HAO1: variants seen among roughly 807,000 people sequenced by gnomAD.
The protein encoded by HAO1 is 2-Hydroxyacid oxidase 1.
HAO1 carries 34 observed loss-of-function variants against 39.7 expected under a neutral mutation model. The observed-to-expected ratio is 0.86, with a 90% CI of 0.65 to 1.14. The LOEUF is 1.14. Among genes scored for constraint, HAO1 ranks in the 50% most tolerant of loss-of-function variants. The pLI, the probability that HAO1 is intolerant of heterozygous loss-of-function variation, is 0.00. For synonymous variants in HAO1, 172 were observed against 173.2 expected, an observed-to-expected ratio of 0.99 and a Z score of 0.05; for missense variants, 479 against 464.5, an observed-to-expected ratio of 1.03 and a Z score of -0.29.
chr20:7,887,938 C>A (rs2050157565), intron 5 of HAO1, among the ~76,000 whole-genome samples: 1 of 152,070 alleles, frequency 6.6e-6, no homozygotes, highest in African/African-American at 2.4e-5. Context: ...GTATATTACA[C>A]AAAATAATTC....
At chr20:7,898,338 C>T (rs1179634623) in intron 4 of HAO1, among the ~76,000 whole-genome samples, 1 of 152,148 alleles carries the variant, frequency 6.6e-6, no homozygotes, top group Non-Finnish European at 1.5e-5. Flanking sequence ...GTACAGTTTT[C>T]TGTATGTTTT....
chr20:7,907,108 T>A (rs187170601), intron 3 of HAO1, among the ~76,000 whole-genome samples: 1 of 152,150 alleles, frequency 6.6e-6, no homozygotes, highest in African/African-American at 2.4e-5. Flanking sequence ...ATGGGAGAAG[T>A]GGGAACTGTT....
At chr20:7,905,225 C>G (rs2050241868) in intron 4 of HAO1, among the ~76,000 whole-genome samples, 1 of 149,202 alleles carries the variant, frequency 6.7e-6, no homozygotes, top group African/African-American at 2.6e-5. Flanking sequence ...CATATCTCCA[C>G]TACTTAAATG....
chr20:7,898,255 T>A (rs2050206210), intron 4 of HAO1, among the ~76,000 whole-genome samples: 1 of 152,146 alleles, frequency 6.6e-6, no homozygotes, highest in Non-Finnish European at 1.5e-5. Context: ...ACTATATACC[T>A]ACAGCCTCTC....
At chr20:7,937,675 A>G (rs2050419267) in intron 1 of HAO1, among the ~76,000 whole-genome samples, 1 of 152,166 alleles carries the variant, frequency 6.6e-6, no homozygotes, top group Admixed American at 6.5e-5. Context: ...AGCTACAACA[A>G]CGTGAAGACC....
intron 5 of HAO1, among the ~76,000 whole-genome samples, chr20:7,890,074 G>A (rs1233633846): frequency 1.3e-5 from 2 of 152,116 alleles, no homozygotes; most frequent in African/African-American, 4.8e-5. Flanking sequence ...TTTGTACTTT[G>A]CGGTACACCA....
At chr20:7,910,691 C>T (rs2050275183) in intron 3 of HAO1, among the ~76,000 whole-genome samples, 1 of 152,148 alleles carries the variant, frequency 6.6e-6, no homozygotes. Flanking sequence ...ATCTTCCCAT[C>T]TCAAGCCCCT....
At chr20:7,896,556 TC>T (rs1236941401) in intron 4 of HAO1, among the ~76,000 whole-genome samples, 1 of 152,196 alleles carries the variant, frequency 6.6e-6, no homozygotes, top group Non-Finnish European at 1.5e-5. Context: ...GATATTTTTC[TC>T]CTAAAATTAT....
At chr20:7,891,491 T>C (rs1302045734) in intron 5 of HAO1, among the ~76,000 whole-genome samples, 1 of 152,198 alleles carries the variant, frequency 6.6e-6, no homozygotes, top group Non-Finnish European at 1.5e-5. Flanking sequence ...ATTCCATGGA[T>C]TGTCTATTTA....
rs764431889 is a variant in HAO1, at chr20:7,934,542, C to G, written c.231G>C (p.Val77=). Reference sequence around the variant, plus strand: ...CCATGCGCTGCATGGCCGTAGCCCCCACACATATTGGCATGCTGACCCTCT... The same window carrying G: ...CCATGCGCTGCATGGCCGTAGCCCCGACACATATTGGCATGCTGACCCTCT... The part of the protein sequence containing the change: ...LGQRVSMPIC[V]GATAMQRMAH... The change falls in exon 2 of 8, where the codon GTG becomes GTC. Residue 77 remains valine, a synonymous_variant. Coordinates refer to ENST00000378789, the MANE Select transcript of HAO1 (RefSeq NM_017545.3). 5 of 1,613,612 alleles carry G rather than the reference C, an allele frequency of 3.1e-6. No homozygotes were observed. The highest frequency in any genetic ancestry group is 1.7e-6 in the Non-Finnish European group (2 of 1,179,680).
At chr20:7,902,014 G>C (rs376701997) in intron 4 of HAO1, among the ~76,000 whole-genome samples, 5 of 152,346 alleles carry the variant, frequency 3.3e-5, no homozygotes, top group African/African-American at 1.2e-4. Flanking sequence ...GCAATCATGA[G>C]ATAAAACTTA....
intron 4 of HAO1, among the ~76,000 whole-genome samples, chr20:7,899,541 T>C (rs1314835949): frequency 6.6e-6 from 1 of 152,154 alleles, no homozygotes; most frequent in Non-Finnish European, 1.5e-5. Flanking sequence ...CAGTCTGTTA[T>C]CTGCCATCAT....
intron 2 of HAO1, among the ~76,000 whole-genome samples, chr20:7,915,539 T>A (rs1351589639): frequency 1.3e-5 from 2 of 152,104 alleles, no homozygotes; most frequent in African/African-American, 4.8e-5. Flanking sequence ...CACAAACACA[T>A]GAGCCAATTC....
At chr20:7,936,503 C>CGTGTGTGTGTGTGTGTGTGTGT (rs71183082) in intron 1 of HAO1, among the ~76,000 whole-genome samples, 2,016 of 109,006 alleles carry the variant, frequency 0.018, 69 homozygotes, top group Middle Eastern at 0.034. Context: ...GGGCAGCAGC[C>CGTGTGTGTGTGTGTGTGTGTGT]GTGTGTGTGT....
At chr20:7,936,212 T>A (rs1441423274) in intron 1 of HAO1, among the ~76,000 whole-genome samples, 1 of 152,172 alleles carries the variant, frequency 6.6e-6, no homozygotes, top group African/African-American at 2.4e-5. Context: ...CTTTGAACAT[T>A]ATAATTGTCA....
chr20:7,930,222 C>G (rs531233888), intron 2 of HAO1, among the ~76,000 whole-genome samples: 5 of 151,886 alleles, frequency 3.3e-5, no homozygotes, highest in Non-Finnish European at 7.4e-5. Context: ...GAATGCTTAG[C>G]GGCCAGATAT....
chr20:7,903,633 ATGGTGGTGGTGATGATAGCAGTGGTGG>A (rs1268950251), intron 4 of HAO1, among the ~76,000 whole-genome samples: 1 of 144,330 alleles, frequency 6.9e-6, no homozygotes, highest in East Asian at 2.1e-4. Context: ...GGGAGTGGTG[ATGGTGGTGGTGATGATAGCAGTGGTGG>A]TGGTGGCAGT....
chr20:7,914,329 C>T lies in HAO1; in HGVS notation c.380G>A (p.Arg127His), dbSNP rs1415739309. The T allele has an allele frequency of 3.7e-6, 6 of 1,613,846 alleles. No individual in the cohort carries two copies. The highest frequency in any genetic ancestry group is 1.7e-5 in the Admixed American group (1 of 59,986). The change falls in exon 3 of 8, where the codon CGT becomes CAT. Residue 127 changes from arginine to histidine, a missense_variant. Arg to His is a conservative substitution (Grantham distance 29). Transcript: ENST00000378789. ...EVAEAGPEAL[R>H]WLQLYIYKDR... ...CTTGTAGATATACAGTTGCAGCCAACGAAGTGCCTCAGGACCAGCTTCCGC... is the reference window on the plus strand; with the variant it reads ...CTTGTAGATATACAGTTGCAGCCAATGAAGTGCCTCAGGACCAGCTTCCGC...
chr20:7,889,787 T>C (rs927044600), intron 5 of HAO1, among the ~76,000 whole-genome samples: 1 of 152,182 alleles, frequency 6.6e-6, no homozygotes. Context: ...CATATTGTTG[T>C]CCACTTTCTT....
Sources: allele counts gnomAD v4.1 joint callset (sites outside exome capture counted in the v4.1 genomes callset), GRCh38; gene constraint gnomAD v4.1.1; transcripts MANE v1.5; gene names NCBI Gene and HGNC (gene_info 2026-07-23, HGNC 2026-07-21).